The following CBFA2T2 variants were observed in gnomAD, a reference collection of about 807,000 sequenced individuals.
CBFA2T2 encodes the protein CBFA2/RUNX1 partner transcriptional co-repressor 2.
CBFA2T2 carries 11 observed loss-of-function variants against 62.2 expected under a neutral mutation model. The ratio of observed to expected loss-of-function variants is 0.18; its 90% CI spans 0.11 to 0.29. The LOEUF (loss-of-function observed/expected upper bound fraction) is 0.29, where lower values mean the gene tolerates loss of function less well. Ranked by LOEUF, CBFA2T2 falls within the 10% of genes least tolerant of loss-of-function variation. The pLI, the probability that CBFA2T2 is intolerant of heterozygous loss-of-function variation, is 1.00. For missense variants in CBFA2T2, 592 were observed against 774.1 expected (o/e 0.76, Z 2.79); for synonymous variants, 295 against 287.5 (o/e 1.03, Z -0.27).
At chr20:33,550,639 AGAGATG>A (rs1349494714) in intron 1 of CBFA2T2, among the ~76,000 whole-genome samples, 1 of 151,982 alleles carries the variant, frequency 6.6e-6, no homozygotes, top group Admixed American at 6.6e-5. Flanking sequence ...TTATTTATGT[AGAGATG>A]GAGTTTCGCT....
At chr20:33,555,603 C>G (rs541410317) in intron 1 of CBFA2T2, among the ~76,000 whole-genome samples, 1 of 152,186 alleles carries the variant, frequency 6.6e-6, no homozygotes, top group South Asian at 2.1e-4. Context: ...CCCTTTTATC[C>G]CTAAATACTT....
At chr20:33,522,594 T>C (rs778055357) in intron 1 of CBFA2T2, among the ~76,000 whole-genome samples, 17 of 151,776 alleles carry the variant, frequency 1.1e-4, no homozygotes, top group Non-Finnish European at 1.8e-4. Context: ...AATAAAAATT[T>C]AGCTGGGCTT....
At chr20:33,597,243 A>G (rs899834975) in intron 1 of CBFA2T2, among the ~76,000 whole-genome samples, 2 of 151,856 alleles carry the variant, frequency 1.3e-5, no homozygotes, top group African/African-American at 4.8e-5. Flanking sequence ...TTTGACCTCT[A>G]TTTTGTATTT....
chr20:33,547,021 T>G (rs1168637459), intron 1 of CBFA2T2, among the ~76,000 whole-genome samples: 2 of 151,430 alleles, frequency 1.3e-5, no homozygotes, highest in South Asian at 2.1e-4. Flanking sequence ...ACCAGCATGG[T>G]GAAGCCCCAA....
At chr20:33,529,543 G>C (rs2011985327) in intron 1 of CBFA2T2, among the ~76,000 whole-genome samples, 1 of 151,518 alleles carries the variant, frequency 6.6e-6, no homozygotes, top group Non-Finnish European at 1.5e-5. Flanking sequence ...GGCTGAGGCA[G>C]GTGAATCTCT....
At chr20:33,522,437 A>G (rs1309480924) in intron 1 of CBFA2T2, among the ~76,000 whole-genome samples, 2 of 147,082 alleles carry the variant, frequency 1.4e-5, no homozygotes, top group East Asian at 4.1e-4. Context: ...CCAAGTAAAA[A>G]TGAACCTGGG....
At chr20:33,592,123 G>A (rs1003493353) in intron 1 of CBFA2T2, among the ~76,000 whole-genome samples, 3 of 152,128 alleles carry the variant, frequency 2.0e-5, no homozygotes, top group Admixed American at 6.6e-5. Flanking sequence ...AGCACTTTGG[G>A]AGGCTGAGGT....
At chr20:33,627,313 C>T (rs544465889) in intron 6 of CBFA2T2, among the ~76,000 whole-genome samples, 3 of 152,048 alleles carry the variant, frequency 2.0e-5, no homozygotes, top group South Asian at 2.1e-4. Flanking sequence ...AGGAGTAGGG[C>T]GTGAACCTGG....
At chr20:33,551,272 A>T in intron 1 of CBFA2T2, among the ~76,000 whole-genome samples, 1 of 150,302 alleles carries the variant, frequency 6.7e-6, no homozygotes, top group East Asian at 2.0e-4. Context: ...GCTGGAGTGC[A>T]ATGGCGTAAT....
intron 5 of CBFA2T2, among the ~76,000 whole-genome samples, chr20:33,623,559 A>T (rs2016080849): frequency 6.7e-6 from 1 of 148,768 alleles, no homozygotes; most frequent in African/African-American, 2.5e-5. Context: ...TGACCAGCTA[A>T]TGTTTGTTTG....
intron 1 of CBFA2T2, among the ~76,000 whole-genome samples, chr20:33,575,117 A>G (rs1007245923): frequency 6.6e-6 from 1 of 152,210 alleles, no homozygotes; most frequent in Non-Finnish European, 1.5e-5. Context: ...AGCAAACCAT[A>G]TGGTTGTTTG....
At chr20:33,490,870 A>T (rs1295805321) in intron 1 of CBFA2T2, among the ~76,000 whole-genome samples, 1 of 152,222 alleles carries the variant, frequency 6.6e-6, no homozygotes, top group Non-Finnish European at 1.5e-5. Context: ...TTGTGAGGCC[A>T]GTAAAACGCT....
At chr20:33,548,074 C>T (rs2012631356) in intron 1 of CBFA2T2, among the ~76,000 whole-genome samples, 1 of 150,788 alleles carries the variant, frequency 6.6e-6, no homozygotes, top group Non-Finnish European at 1.5e-5. Context: ...CGATACCTGG[C>T]CTGAGGTGTA....
intron 1 of CBFA2T2, among the ~76,000 whole-genome samples, chr20:33,518,773 CAAA>C (rs776181082): frequency 4.7e-5 from 6 of 126,862 alleles, no homozygotes; most frequent in Non-Finnish European, 3.4e-5. Context: ...ACTCCTTCTC[CAAA>C]AAAAAAAAAA....
Position 33,636,541 on chromosome 20 carries a change from T to C in CBFA2T2, c.1229-99T>C, listed in dbSNP as rs1037905122. 21 of 818,780 alleles carry C rather than the reference T, an allele frequency of 2.6e-5. No homozygotes were observed. In the African/African-American group the frequency reaches 3.3e-4, roughly 13 times the overall value. 50.7% of individuals were successfully genotyped at this position (818,780 alleles called of 1,614,324 possible). A position where few individuals can be genotyped will look rare whatever the true frequency, so the allele number is the denominator to read the frequency against. On this transcript the variant is annotated intron_variant, in intron 8 of 10. Transcript: ENST00000342704. Reference sequence around the variant, plus strand: ...GAATTTTTTTATACTAAATGAAATATATGTTTGAGTCTAAGTGGTGAATGA... The same window carrying C: ...GAATTTTTTTATACTAAATGAAATACATGTTTGAGTCTAAGTGGTGAATGA...
Position 33,624,924 on chromosome 20 carries a change from T to A in CBFA2T2, c.853T>A (p.Tyr285Asn), listed in dbSNP as rs754209043. Residue 285 changes from tyrosine to asparagine, a missense_variant, in exon 6 of 11, where the codon TAC becomes AAC. Around this residue, in one of 3 missense-constraint regions of CBFA2T2, gnomAD observed 449 missense variants for 551.2 expected, o/e 0.81. Transcript: ENST00000342704. ...FHPTPPPLQH[Y>N]TLEDIATSHL... ...TCCTACCCCTCCACCTCTTCAGCAT[T>A]ACACCTTAGAGGATATTGCAACTTC... 6 of 1,614,108 alleles carry A rather than the reference T, an allele frequency of 3.7e-6. No homozygotes were observed. In the South Asian group the frequency reaches 6.6e-5, roughly 18 times the overall value.
intron 1 of CBFA2T2, among the ~76,000 whole-genome samples, chr20:33,565,475 G>A (rs1294149630): frequency 2.6e-5 from 4 of 152,124 alleles, no homozygotes; most frequent in Non-Finnish European, 5.9e-5. Flanking sequence ...GGCCTGAAAA[G>A]GGGATTTCAT....
chr20:33,491,929 G>A (rs1307252940), intron 1 of CBFA2T2, among the ~76,000 whole-genome samples: 1 of 151,828 alleles, frequency 6.6e-6, no homozygotes, highest in African/African-American at 2.4e-5. Context: ...TGCCCAGGCT[G>A]GAGTGCAGTA....
intron 1 of CBFA2T2, among the ~76,000 whole-genome samples, chr20:33,564,285 A>T (rs1300398563): frequency 5.1e-5 from 7 of 136,964 alleles, no homozygotes; most frequent in Non-Finnish European, 1.1e-4. Flanking sequence ...TTTTTCCGAG[A>T]TGGAGTCTCA....
Sources: allele counts gnomAD v4.1 joint callset (sites outside exome capture counted in the v4.1 genomes callset), GRCh38; gene constraint gnomAD v4.1.1; regional missense constraint gnomAD v4.1.1; transcripts MANE v1.5; gene names NCBI Gene and HGNC (gene_info 2026-07-23, HGNC 2026-07-21).